Variants in CADM2 observed in about 807,000 individuals in gnomAD.
CADM2 encodes cell adhesion molecule 2.
A neutral mutation model predicts 49.8 loss-of-function variants in CADM2; 12 were observed. The ratio of observed to expected loss-of-function variants is 0.24; its 90% CI spans 0.15 to 0.39. The LOEUF is 0.39. Ranked by LOEUF, CADM2 falls within the 10% of genes least tolerant of loss-of-function variation. CADM2 has a pLI of 1.00. For synonymous variants in CADM2, 214 were observed against 175.4 expected, an observed-to-expected ratio of 1.22 and a Z score of -1.74; for missense variants, 378 against 492.3, an observed-to-expected ratio of 0.77 and a Z score of 2.20.
intron 3 of CADM2, among the ~76,000 whole-genome samples, chr3:85,825,727 G>A (rs2073873603): frequency 3.3e-5 from 5 of 151,874 alleles, no homozygotes; most frequent in Admixed American, 3.3e-4. Flanking sequence ...ACTGTGTACC[G>A]ATTTTTTAAA....
chr3:85,499,869 C>T (rs1459833093), intron 1 of CADM2, among the ~76,000 whole-genome samples: 2 of 152,026 alleles, frequency 1.3e-5, no homozygotes, highest in Non-Finnish European at 2.9e-5. Context: ...CCAAAATAGA[C>T]ATCACATGAA....
chr3:85,213,304 C>G (rs961806169), intron 1 of CADM2, among the ~76,000 whole-genome samples: 7 of 152,076 alleles, frequency 4.6e-5, no homozygotes, highest in Non-Finnish European at 1.0e-4. Flanking sequence ...GTTTATCTCT[C>G]TTTCATGTTT....
chr3:86,042,193 T>C, intron 8 of CADM2, among the ~76,000 whole-genome samples: 1 of 151,890 alleles, frequency 6.6e-6, no homozygotes, highest in South Asian at 2.1e-4. Context: ...GAAAACACAT[T>C]CAAAAGCTAG....
intron 8 of CADM2, among the ~76,000 whole-genome samples, chr3:86,010,728 G>A (rs1170483222): frequency 6.6e-6 from 1 of 151,104 alleles, no homozygotes; most frequent in Non-Finnish European, 1.5e-5. Context: ...AAATCAAATT[G>A]TAAAGCAGAC....
intron 1 of CADM2, among the ~76,000 whole-genome samples, chr3:85,320,244 G>C (rs909447146): frequency 3.9e-5 from 6 of 152,170 alleles, no homozygotes; most frequent in Admixed American, 1.3e-4. Flanking sequence ...TCTGGTCCCT[G>C]ATGTCAACAG....
chr3:84,959,261 G>T lies in CADM2; in HGVS notation c.-347G>T. 2.2e-6 allele frequency: 1 copy of T among 450,618 alleles called. No individual in the cohort carries two copies. Among genetic ancestry groups the T allele is most frequent in the Admixed American group, 3.9e-5 (1 of 25,964 alleles). 27.9% of individuals were successfully genotyped at this position (450,618 alleles called of 1,614,324 possible). A position where few individuals can be genotyped will look rare whatever the true frequency, so the allele number is the denominator to read the frequency against. On this transcript the variant is annotated 5_prime_UTR_variant, in exon 1 of 10. Coordinates refer to ENST00000383699, the MANE Select transcript of CADM2 (RefSeq NM_001167675.2). ...CCTTCTCCAACACCCCGGCATCCCT[G>T]CACCACCTGCTCGGGCAGCCCCGGC...
intron 1 of CADM2, among the ~76,000 whole-genome samples, chr3:85,679,310 G>A (rs2107652980): frequency 6.6e-6 from 1 of 152,154 alleles, no homozygotes; most frequent in African/African-American, 2.4e-5. Flanking sequence ...TCTAGAGGGG[G>A]AAAAAACATC....
chr3:85,142,276 A>G (rs1368832688), intron 1 of CADM2, among the ~76,000 whole-genome samples: 2 of 152,200 alleles, frequency 1.3e-5, no homozygotes, highest in Non-Finnish European at 2.9e-5. Context: ...TAGCTGCCTA[A>G]CCACCAGCCT....
chr3:85,130,819 G>A (rs79779249), intron 1 of CADM2, among the ~76,000 whole-genome samples: 2 of 152,044 alleles, frequency 1.3e-5, no homozygotes, highest in Admixed American at 6.6e-5. Flanking sequence ...ACTCTTATAC[G>A]TAGCGTTATT....
intron 3 of CADM2, among the ~76,000 whole-genome samples, chr3:85,862,503 T>C (rs1298596031): frequency 6.6e-6 from 1 of 152,176 alleles, no homozygotes; most frequent in Non-Finnish European, 1.5e-5. Context: ...TTGTGAGCAA[T>C]GGTGACAATA....
Position 86,013,427 on chromosome 3 carries a change from T to C in CADM2, c.970+51780T>C, listed in dbSNP as rs1731803402. The C allele has an allele frequency of 5.1e-6, 8 of 1,566,726 alleles. No homozygotes were observed. In the East Asian group the frequency reaches 1.8e-4, roughly 35 times the overall value. ...CCGAAGAAATCCCAGAAGGTCTCTT[T>C]ACCCTAGATAACTTTCAAGCACTGC... is the stretch of plus-strand genomic sequence containing the variant. On this transcript the variant is annotated intron_variant, in intron 8 of 9. Transcript: ENST00000383699.
At chr3:86,004,444 G>C (rs1028425104) in intron 8 of CADM2, among the ~76,000 whole-genome samples, 1 of 152,202 alleles carries the variant, frequency 6.6e-6, no homozygotes, top group African/African-American at 2.4e-5. Flanking sequence ...TGAGGTTACT[G>C]TGATGCCGTG....
At chr3:85,395,656 A>T (rs1452801433) in intron 1 of CADM2, among the ~76,000 whole-genome samples, 1 of 152,094 alleles carries the variant, frequency 6.6e-6, no homozygotes, top group Non-Finnish European at 1.5e-5. Flanking sequence ...CAGTCTGCTT[A>T]TGAGATCAGC....
intron 1 of CADM2, among the ~76,000 whole-genome samples, chr3:85,546,843 A>G (rs2061679287): frequency 6.6e-6 from 1 of 151,720 alleles, no homozygotes; most frequent in Non-Finnish European, 1.5e-5. Flanking sequence ...GGCAGGCAAA[A>G]AAATATTTTG....
chr3:85,097,033 T>C (rs2107535137), intron 1 of CADM2, among the ~76,000 whole-genome samples: 1 of 152,292 alleles, frequency 6.6e-6, no homozygotes, highest in Non-Finnish European at 1.5e-5. Context: ...AGTTTTAGGA[T>C]ACATGTGCAC....
intron 1 of CADM2, among the ~76,000 whole-genome samples, chr3:85,295,028 C>T (rs1203048425): frequency 6.6e-6 from 1 of 152,006 alleles, no homozygotes; most frequent in African/African-American, 2.4e-5. Context: ...AGAAAATTTT[C>T]ACAACCTACT....
At chr3:85,464,284 G>A (rs775618176) in intron 1 of CADM2, among the ~76,000 whole-genome samples, 36 of 151,996 alleles carry the variant, frequency 2.4e-4, no homozygotes, top group Admixed American at 5.2e-4. Context: ...TGATCCAAAT[G>A]TGATCACATC....
intron 1 of CADM2, among the ~76,000 whole-genome samples, chr3:85,018,434 G>A (rs1003218591): frequency 1.3e-5 from 2 of 152,090 alleles, no homozygotes; most frequent in African/African-American, 4.8e-5. Context: ...CTGGAGTGCA[G>A]TGGTGCGATC....
intron 2 of CADM2, among the ~76,000 whole-genome samples, chr3:85,731,096 A>G (rs2067913679): frequency 6.6e-6 from 1 of 152,174 alleles, no homozygotes; most frequent in African/African-American, 2.4e-5. Context: ...TATCACATAA[A>G]TGATTTATTC....
Sources: allele counts gnomAD v4.1 joint callset (sites outside exome capture counted in the v4.1 genomes callset), GRCh38; gene constraint gnomAD v4.1.1; transcripts MANE v1.5; gene names NCBI Gene and HGNC (gene_info 2026-07-23, HGNC 2026-07-21).